Variants in ZBTB45 observed in about 807,000 individuals in gnomAD.
The protein encoded by ZBTB45 is zinc finger and BTB domain containing 45.
A neutral mutation model predicts 28.4 loss-of-function variants in ZBTB45; 22 were observed. That is an observed-to-expected ratio of 0.77 (90% confidence interval 0.55 to 1.10). The LOEUF is 1.10. Ranked by LOEUF, ZBTB45 falls within the 50% of genes least tolerant of loss-of-function variation. ZBTB45 has a pLI of 0.00. For synonymous variants in ZBTB45, 361 were observed against 332.3 expected, an observed-to-expected ratio of 1.09 and a Z score of -0.94; for missense variants, 656 against 750.2, an observed-to-expected ratio of 0.87 and a Z score of 1.47.
At chr19:58,527,134 G>T (rs2053612274) in intron 1 of ZBTB45, among the ~76,000 whole-genome samples, 1 of 152,200 alleles carries the variant, frequency 6.6e-6, no homozygotes, top group South Asian at 2.1e-4. Flanking sequence ...ACTGAAGCCA[G>T]GTTAAAATCA....
chr19:58,532,186 CTG>C (rs2053638635), intron 1 of ZBTB45, among the ~76,000 whole-genome samples: 1 of 152,158 alleles, frequency 6.6e-6, no homozygotes, highest in Admixed American at 6.5e-5. Context: ...GTTTTCCCAT[CTG>C]TGAAATTGGG....
chr19:58,528,977 G>T (rs1436361095), intron 1 of ZBTB45, among the ~76,000 whole-genome samples: 3 of 150,552 alleles, frequency 2.0e-5, no homozygotes, highest in Admixed American at 2.0e-4. Context: ...CCAGCTACTT[G>T]GGAGGCTGAG....
chr19:58,515,243 G>A lies in ZBTB45; in HGVS notation c.1280-933C>T, dbSNP rs1309983730. On this transcript the variant is annotated intron_variant, in intron 2 of 2. Coordinates refer to ENST00000594051, the MANE Select transcript of ZBTB45 (RefSeq NM_001316979.2). The surrounding 1 kb of genome is among the most constrained non-coding windows in gnomAD (Gnocchi z 4.7). ...AGGCACAAGAATCACTTGAACCCAG[G>A]AGGCAGAGGTTGCAGTGAGCCGAGA... Among the ~76,000 whole-genome samples, 3 of 150,732 alleles carry A rather than the reference G, an allele frequency of 2.0e-5. No individual in the cohort carries two copies. In the South Asian group the frequency reaches 6.3e-4, roughly 32 times the overall value.
In ZBTB45 at chr19:58,517,256, CAG is replaced by C. The variant is rs778690612; in HGVS notation, c.416_417del (p.Pro139ArgfsTer33). 124 of 1,574,828 alleles carry C rather than the reference CAG, an allele frequency of 7.9e-5. No individual in the cohort carries two copies. The highest frequency in any genetic ancestry group is 3.4e-4 in the Middle Eastern group (2 of 5,884). ...TGCGCAGGTGCGAGTGGCGGGGGCA[CAG>C]GGGTGGGCAGGGGCGTGGGCGCAGA... ...GTSAPTPLPT[P>X]VPPPLAPAQL... is the part of the protein sequence containing the mutation. On this transcript the variant is annotated frameshift_variant, in exon 2 of 3. Transcript: ENST00000594051. LOFTEE classifies it high-confidence loss of function.
chr19:58,537,401 T>C (rs536809291), intron 1 of ZBTB45, among the ~76,000 whole-genome samples: 3 of 152,040 alleles, frequency 2.0e-5, no homozygotes, highest in Non-Finnish European at 4.4e-5. Context: ...ACCTCTCTAT[T>C]GTGCAGAGAG....
At chr19:58,531,119 G>C (rs919678827) in intron 1 of ZBTB45, among the ~76,000 whole-genome samples, 1 of 152,148 alleles carries the variant, frequency 6.6e-6, no homozygotes, top group African/African-American at 2.4e-5. Flanking sequence ...AAGTATGAAG[G>C]TTCTAATTTC....
chr19:58,513,781 A>G lies in ZBTB45; in HGVS notation c.*273T>C. The G allele has an allele frequency of 2.7e-6, 1 of 372,862 alleles. No individual in the cohort carries two copies. The highest frequency in any genetic ancestry group is 4.7e-6 in the Non-Finnish European group (1 of 212,558). 23.1% of individuals were successfully genotyped at this position (372,862 alleles called of 1,614,324 possible). On this transcript the variant is annotated 3_prime_UTR_variant, in exon 3 of 3. Transcript: ENST00000594051. ...ATCTTGGGCCGGGTCCAAGCGCCTG[A>G]GCGCCCGGTTTACGCAGGAAATAGT...
chr19:58,521,778 T>C (rs1291943697), upstream of ZBTB45, among the ~76,000 whole-genome samples: 3 of 152,190 alleles, frequency 2.0e-5, no homozygotes, highest in Non-Finnish European at 2.9e-5. Context: ...TCCCAGCTTT[T>C]ACCAGGCCCC....
At chr19:58,520,572 G>A (rs1298556190), upstream of ZBTB45, among the ~76,000 whole-genome samples, 4 of 152,320 alleles carry the variant, frequency 2.6e-5, no homozygotes, top group East Asian at 7.7e-4. Context: ...AATAGGATAT[G>A]ATTCTGGATT....
chr19:58,517,471 TCA>T lies in ZBTB45; in HGVS notation c.201_202del (p.Glu68AspfsTer30), dbSNP rs772435683. 6.2e-7 allele frequency: 1 copy of T among 1,613,116 alleles called. No homozygotes were observed. Among genetic ancestry groups the T allele is most frequent in the Admixed American group, 1.7e-5 (1 of 59,992 alleles). On this transcript the variant is annotated frameshift_variant, in exon 2 of 3. Coordinates refer to ENST00000594051, the MANE Select transcript of ZBTB45 (RefSeq NM_001316979.2). LOFTEE classifies it high-confidence loss of function. ...GGGCACCACCGGAGGCACACGGATC[TCA>T]GAGTGGCCGAGCAGCAGCTTGTCTT... is the stretch of plus-strand genomic sequence containing the variant.
rs544971826 is a variant in ZBTB45, at chr19:58,538,316, G to A, written c.-1+385C>T. 4.6e-5 allele frequency among the ~76,000 whole-genome samples: 7 copies of A among 152,048 alleles called. No homozygotes were observed. The East Asian group carries it at 1.2e-3, about 25-fold the overall frequency. On this transcript the variant is annotated intron_variant, in intron 1 of 1. Coordinates refer to the ZBTB45 transcript ENST00000600130. Reference sequence around the variant, plus strand: ...CTGCAGCCAACTCCTGGGCTCAAGCGATCTCAACGCGTCAGCCTCTGGCAT... The same window carrying A: ...CTGCAGCCAACTCCTGGGCTCAAGCAATCTCAACGCGTCAGCCTCTGGCAT...
intron 1 of ZBTB45, among the ~76,000 whole-genome samples, chr19:58,529,084 C>CAAAAAAAAAAAAAAAAA (rs1231496438): frequency 2.4e-4 from 15 of 61,404 alleles, no homozygotes; most frequent in African/African-American, 6.8e-4. Context: ...AACTCCATCT[C>CAAAAAAAAAAAAAAAAA]AAAAAAAAAA....
Sources: gnomAD v4.1 joint callset for allele counts (sites outside exome capture counted in the v4.1 genomes callset) on GRCh38, gnomAD v4.1.1 for gene constraint, Gnocchi (gnomAD v3.1) non-coding constraint, MANE v1.5 for transcripts, NCBI Gene and HGNC (gene_info 2026-07-23, HGNC 2026-07-21) for gene names.